HDAC11: variants seen among roughly 807,000 people sequenced by gnomAD.
HDAC11 encodes histone deacetylase 11.
A neutral mutation model predicts 41.1 loss-of-function variants in HDAC11; 23 were observed. That is an observed-to-expected ratio of 0.56 (90% CI 0.40 to 0.79). HDAC11 has a LOEUF of 0.79. Ranked by LOEUF, HDAC11 falls within the 30% of genes least tolerant of loss-of-function variation. The pLI is 0.00. For synonymous variants in HDAC11, 187 were observed against 186.6 expected (o/e 1.00, Z -0.02); for missense variants, 402 against 477.3 (o/e 0.84, Z 1.47).
intron 3 of HDAC11, among the ~76,000 whole-genome samples, chr3:13,486,267 C>G (rs78375206): frequency 1.5e-5 from 1 of 65,212 alleles, no homozygotes; most frequent in Non-Finnish European, 2.8e-5. Flanking sequence ...AACTCCATCT[C>G]AAAAAAAAAA....
intron 3 of HDAC11, among the ~76,000 whole-genome samples, chr3:13,493,569 G>A (rs1051419384): frequency 6.6e-6 from 1 of 152,238 alleles, no homozygotes; most frequent in African/African-American, 2.4e-5. Context: ...ACAATCACTC[G>A]TAAGTAGCCA....
chr3:13,480,939 G>T lies in HDAC11; in HGVS notation c.3-307G>T, dbSNP rs1701286620. On this transcript the variant is annotated intron_variant, in intron 1 of 9. Transcript: ENST00000295757. The surrounding 1 kb of genome is among the most constrained non-coding windows in gnomAD (Gnocchi z 4.6). ...GTGATGCGCGGAGGCCTTGCAGCCA[G>T]ACACACCTGAGTGCACGCCTGCTTC... 2.1e-6 allele frequency: 1 copy of T among 470,838 alleles called. No individual in the cohort carries two copies. The highest frequency in any genetic ancestry group is 4.2e-5 in the East Asian group (1 of 23,960). 29.2% of individuals were successfully genotyped at this position (470,838 alleles called of 1,614,324 possible). A position where few individuals can be genotyped will look rare whatever the true frequency, so the allele number is the denominator to read the frequency against.
At position 13,480,740 on chromosome 3, in the gene HDAC11, G is replaced by C. The variant is rs1184983588; in HGVS notation, c.2+391G>C. ...ATGGGAAGGGTTAGCAGCGCAGCGGGGTCAGGGGATCCCCGCCCCCCGCCC... is the reference window on the plus strand; with the variant it reads ...ATGGGAAGGGTTAGCAGCGCAGCGGCGTCAGGGGATCCCCGCCCCCCGCCC... On this transcript the variant is annotated intron_variant, in intron 1 of 9. Coordinates refer to ENST00000295757, the MANE Select transcript of HDAC11 (RefSeq NM_024827.4). The surrounding 1 kb of genome is among the most constrained non-coding windows in gnomAD (Gnocchi z 4.6). 1 of 484,896 alleles carries C rather than the reference G, an allele frequency of 2.1e-6. No homozygotes were observed. Among genetic ancestry groups the C allele is most frequent in the Non-Finnish European group, 4.2e-6 (1 of 237,748 alleles). 30.0% of individuals were successfully genotyped at this position (484,896 alleles called of 1,614,324 possible).
rs1473143217 is a variant in HDAC11, at chr3:13,480,700, G to T, written c.2+351G>T. On this transcript the variant is annotated intron_variant, in intron 1 of 9. Transcript: ENST00000295757. The surrounding 1 kb of genome is among the most constrained non-coding windows in gnomAD (Gnocchi z 4.6). The stretch of plus-strand genomic sequence containing the variant: ...GGGCGGATTTCTGTCTCTGGGTGAC[G>T]ACTGCCAGGGTGTGATGGGAAGGGT... 2.1e-6 allele frequency: 1 copy of T among 465,124 alleles called. No individual in the cohort carries two copies. The highest frequency in any genetic ancestry group is 2.6e-5 in the Admixed American group (1 of 37,916). 28.8% of individuals were successfully genotyped at this position (465,124 alleles called of 1,614,324 possible). A position where few individuals can be genotyped will look rare whatever the true frequency, so the allele number is the denominator to read the frequency against.
At chr3:13,488,241 T>TA (rs201139845) in intron 3 of HDAC11, among the ~76,000 whole-genome samples, 3 of 151,964 alleles carry the variant, frequency 2.0e-5, no homozygotes, top group African/African-American at 2.4e-5. Flanking sequence ...CTCTCTCCTT[T>TA]AAAAAAAAAT....
Position 13,502,900 on chromosome 3 carries a change from G to C in HDAC11, c.569G>C (p.Arg190Pro), listed in dbSNP as rs1270092415. Reference sequence around the variant, plus strand: ...TCCCCACAGGGCAATGGGCATGAGCGAGACTTCATGGACGACAAGCGTGTG... The same window carrying C: ...TCCCCACAGGGCAATGGGCATGAGCCAGACTTCATGGACGACAAGCGTGTG... ...LDAHQGNGHERDFMDDKRVYI... is the reference protein window; with the variant it reads ...LDAHQGNGHEPDFMDDKRVYI... Residue 190 changes from arginine to proline, a missense_variant, in exon 8 of 10, where the codon CGA becomes CCA. Transcript: ENST00000295757. The surrounding 1 kb of genome is among the most constrained non-coding windows in gnomAD (Gnocchi z 4.1). 2 of 1,613,356 alleles carry C rather than the reference G, an allele frequency of 1.2e-6. No individual in the cohort carries two copies. The highest frequency in any genetic ancestry group is 2.2e-5 in the South Asian group (2 of 91,076).
chr3:13,491,924 A>G (rs1701884342), intron 3 of HDAC11, among the ~76,000 whole-genome samples: 1 of 152,236 alleles, frequency 6.6e-6, no homozygotes, highest in African/African-American at 2.4e-5. Context: ...GTTCCAGCAG[A>G]TGGCTGGGCC....
In HDAC11 at chr3:13,505,800, G is replaced by A. The variant is rs552670898; in HGVS notation, c.*1117G>A. ...CCTTCTCCATGCCCAGGGGCCCCAG[G>A]TGGGCCAGACCTCTGGCCTGTTCCT... On this transcript the variant is annotated 3_prime_UTR_variant, in exon 10 of 10. Coordinates refer to ENST00000295757, the MANE Select transcript of HDAC11 (RefSeq NM_024827.4). 1.3e-5 allele frequency: 2 copies of A among 152,438 alleles called. No individual in the cohort carries two copies. The highest frequency in any genetic ancestry group is 4.8e-5 in the African/African-American group (2 of 41,568). The allele number at this position is 152,438 out of a possible 1,614,324, so 9.4% of individuals were successfully genotyped here.
rs775284562 is a variant in HDAC11 at position 13,481,403 on chromosome 3, G to A, written c.151+9G>A. On this transcript the variant is annotated intron_variant, in intron 2 of 9. Coordinates refer to ENST00000295757, the MANE Select transcript of HDAC11 (RefSeq NM_024827.4). ...GATCAATTTCCTAAAAGGTATGGAA[G>A]GTCCCCCTTGGACTCTCATCTGCTT... 24 of 1,613,468 alleles carry A rather than the reference G, an allele frequency of 1.5e-5. No individual in the cohort carries two copies. In the Admixed American group the frequency reaches 3.8e-4, roughly 26 times the overall value.
intron 3 of HDAC11, among the ~76,000 whole-genome samples, chr3:13,488,311 ACAGTT>A (rs1221435716): frequency 1.3e-5 from 2 of 152,190 alleles, no homozygotes; most frequent in Non-Finnish European, 2.9e-5. Flanking sequence ...TTTAAACTGT[ACAGTT>A]CAGTGGCCTT....
intron 5 of HDAC11, 59 bp from the exon 6 acceptor site, chr3:13,500,654 C>A: frequency 1.5e-6 from 2 of 1,372,640 alleles, no homozygotes; most frequent in Non-Finnish European, 2.0e-6. Context: ...GATGGAGGAG[C>A]TCCTGGACTG....
At chr3:13,486,048 A>G (rs1231896632) in intron 3 of HDAC11, among the ~76,000 whole-genome samples, 1 of 152,086 alleles carries the variant, frequency 6.6e-6, no homozygotes, top group African/African-American at 2.4e-5. Flanking sequence ...CGGGCGGATC[A>G]CTTGAGGTCG....
chr3:13,503,462 G>A (rs1702466635), intron 8 of HDAC11, among the ~76,000 whole-genome samples: 1 of 152,238 alleles, frequency 6.6e-6, no homozygotes, highest in South Asian at 2.1e-4. Context: ...TACTCGGGAG[G>A]CTGAGACAGG....
intron 3 of HDAC11, among the ~76,000 whole-genome samples, chr3:13,493,074 A>C (rs1340595035): frequency 6.6e-6 from 1 of 152,190 alleles, no homozygotes; most frequent in African/African-American, 2.4e-5. Flanking sequence ...GGGCGAGACT[A>C]TCAGGGAGCC....
rs774383766 is a variant in HDAC11 at position 13,504,500 on chromosome 3, G to C, written c.861G>C (p.Arg287=). 1 of 1,613,434 alleles carries C rather than the reference G, an allele frequency of 6.2e-7. No homozygotes were observed. The change falls in exon 10 of 10, where the codon CGG becomes CGC. Residue 287 remains arginine (R), a synonymous_variant. Transcript: ENST00000295757. ...TGAAGCGGGATGAGCTGGTGTTCCG[G>C]ATGGTCCGTGGCCGCCGGGTGCCCA... is the stretch of plus-strand genomic sequence containing the variant. ...GIVKRDELVF[R]MVRGRRVPIL...
intron 3 of HDAC11, among the ~76,000 whole-genome samples, chr3:13,494,338 G>A (rs1348338957): frequency 2.0e-5 from 3 of 152,222 alleles, no homozygotes; most frequent in Non-Finnish European, 4.4e-5. Context: ...AGCCACACGC[G>A]GGGCCTCTGC....
chr3:13,485,400 C>G (rs903722407), intron 3 of HDAC11, among the ~76,000 whole-genome samples: 1 of 152,220 alleles, frequency 6.6e-6, no homozygotes, highest in Non-Finnish European at 1.5e-5. Context: ...GCCAGGAGGA[C>G]ATGCCTGCCA....
intron 2 of HDAC11, 22 bp downstream of exon 2, chr3:13,481,416 C>T: frequency 6.2e-7 from 1 of 1,612,214 alleles, no homozygotes; most frequent in Non-Finnish European, 8.5e-7. Context: ...CCCCCTTGGA[C>T]TCTCATCTGC....
At chr3:13,486,128 A>G (rs534373282) in intron 3 of HDAC11, among the ~76,000 whole-genome samples, 1 of 152,050 alleles carries the variant, frequency 6.6e-6, no homozygotes, top group East Asian at 1.9e-4. Flanking sequence ...TTAGCCAGGC[A>G]TGGTAGTGCA....
Sources: allele counts gnomAD v4.1 joint callset (sites outside exome capture counted in the v4.1 genomes callset), GRCh38; gene constraint gnomAD v4.1.1; non-coding constraint Gnocchi (gnomAD v3.1); transcripts MANE v1.5; gene names NCBI Gene and HGNC (gene_info 2026-07-23, HGNC 2026-07-21).